The following CEMIP variants were observed in gnomAD, a reference collection of about 807,000 sequenced individuals.
CEMIP encodes the protein cell migration-inducing and hyaluronan-binding protein.
CEMIP carries 105 observed loss-of-function variants against 156.9 expected under a neutral mutation model. That is an observed-to-expected ratio of 0.67 (90% CI 0.57 to 0.79). The LOEUF (loss-of-function observed/expected upper bound fraction) is 0.79, where lower values mean the gene tolerates loss of function less well. Among genes scored for constraint, CEMIP ranks in the 30% least tolerant of loss-of-function variants. The probability of loss-of-function intolerance (pLI) is 0.00; values close to 1 mark genes in which losing one functional copy is unlikely to be tolerated. For synonymous variants in CEMIP, 676 were observed against 668.4 expected (o/e 1.01, Z -0.17); for missense variants, 1,457 against 1,769.4 (o/e 0.82, Z 3.17).
At chr15:80,892,377 ACT>A (rs1455393119) in intron 10 of CEMIP, among the ~76,000 whole-genome samples, 1 of 152,054 alleles carries the variant, frequency 6.6e-6, no homozygotes. Context: ...ACAAAAACAC[ACT>A]GTTTCTATGT....
intron 1 of CEMIP, among the ~76,000 whole-genome samples, chr15:80,799,203 T>C (rs1394741795): frequency 6.6e-6 from 1 of 152,226 alleles, no homozygotes; most frequent in Admixed American, 6.5e-5. Context: ...AGAGATGTGG[T>C]CAGCTTAGGG....
At chr15:80,871,282 C>T (rs1470977337) in intron 1 of CEMIP, among the ~76,000 whole-genome samples, 1 of 152,208 alleles carries the variant, frequency 6.6e-6, no homozygotes, top group Non-Finnish European at 1.5e-5. Flanking sequence ...CCTCTTTGGG[C>T]AGGGCAATCT....
chr15:80,822,380 C>T (rs1195841329), intron 1 of CEMIP, among the ~76,000 whole-genome samples: 1 of 152,194 alleles, frequency 6.6e-6, no homozygotes, highest in Non-Finnish European at 1.5e-5. Flanking sequence ...TGACAGTCTT[C>T]TCATATGTGC....
chr15:80,809,267 G>T (rs933791752), intron 1 of CEMIP, among the ~76,000 whole-genome samples: 1 of 152,162 alleles, frequency 6.6e-6, no homozygotes, highest in East Asian at 1.9e-4. Context: ...CCAGCTGTAG[G>T]GGAAAGGTTG....
chr15:80,887,188 A>G (rs139177360), intron 7 of CEMIP, among the ~76,000 whole-genome samples: 445 of 152,290 alleles, frequency 2.9e-3, no homozygotes, highest in African/African-American at 0.01. Flanking sequence ...CATTAAGAAG[A>G]AGAGAGATTT....
chr15:80,868,455 C>T (rs1320539843), intron 1 of CEMIP, among the ~76,000 whole-genome samples: 1 of 152,142 alleles, frequency 6.6e-6, no homozygotes, highest in African/African-American at 2.4e-5. Flanking sequence ...CCCTTGGCAG[C>T]ACCTCAGCCC....
At chr15:80,785,690 C>T (rs1567046728) in intron 1 of CEMIP, among the ~76,000 whole-genome samples, 1 of 152,114 alleles carries the variant, frequency 6.6e-6, no homozygotes, top group African/African-American at 2.4e-5. Flanking sequence ...AGTAATTCAG[C>T]CAGAGGAGAT....
chr15:80,814,295 C>G (rs192928015), intron 1 of CEMIP, among the ~76,000 whole-genome samples: 2 of 151,874 alleles, frequency 1.3e-5, no homozygotes, highest in African/African-American at 2.4e-5. Context: ...GTGATCCACC[C>G]GCCTTGGCCT....
chr15:80,937,246 G>A (rs1351687462), intron 24 of CEMIP, among the ~76,000 whole-genome samples: 2 of 152,218 alleles, frequency 1.3e-5, no homozygotes, highest in African/African-American at 4.8e-5. Flanking sequence ...TCTGGGTATT[G>A]TTGTTACCAT....
intron 16 of CEMIP, among the ~76,000 whole-genome samples, chr15:80,921,789 G>A (rs1433930063): frequency 6.6e-6 from 1 of 152,254 alleles, no homozygotes; most frequent in Non-Finnish European, 1.5e-5. Flanking sequence ...ATAGAGTAGG[G>A]CCCATCAAGG....
rs1316828529 is a variant in CEMIP, at chr15:80,895,051, A to G, written c.1148A>G (p.Tyr383Cys). The stretch of plus-strand genomic sequence containing the variant: ...GTTGTCTACAAAAAAGGCCAGGATT[A>G]TAGGTTTGCTTGCTACGACCGGGGC... ...TEVVYKKGQD[Y>C]RFACYDRGRA... The change falls in exon 11 of 30, where the codon TAT becomes TGT. Residue 383 changes from tyrosine (Y) to cysteine (C), a missense_variant. Tyr to Cys is a radical substitution (Grantham distance 194). Coordinates refer to ENST00000394685, the MANE Select transcript of CEMIP (RefSeq NM_001293298.2). The G allele has an allele frequency of 3.7e-6, 6 of 1,614,206 alleles. No homozygotes were observed. The highest frequency in any genetic ancestry group is 5.1e-6 in the Non-Finnish European group (6 of 1,180,026).
chr15:80,875,710 C>T (rs934348681), intron 3 of CEMIP, among the ~76,000 whole-genome samples: 2 of 152,188 alleles, frequency 1.3e-5, no homozygotes, highest in African/African-American at 2.4e-5. Context: ...CTCTCAATCC[C>T]GCTTCTGGTG....
Position 80,943,088 on chromosome 15 carries a change from G to A in CEMIP, c.3843G>A (p.Ala1281=), listed in dbSNP as rs769898133. 6.2e-7 allele frequency: 1 copy of A among 1,614,194 alleles called. No homozygotes were observed. Residue 1281 remains alanine, a synonymous_variant, in exon 28 of 30, where the codon GCG becomes GCA. Transcript: ENST00000394685. The stretch of plus-strand genomic sequence containing the variant: ...CATGGCAGCTTTTCAACTATGTGGC[G>A]ACCATCCCTGACAAGTGAGTCTGTA... ...GIPWQLFNYV[A]TIPDNSIVLM...
At chr15:80,844,121 A>G (rs1279480643) in intron 1 of CEMIP, among the ~76,000 whole-genome samples, 1 of 152,238 alleles carries the variant, frequency 6.6e-6, no homozygotes, top group African/African-American at 2.4e-5. Flanking sequence ...CCACCCAGCC[A>G]TCGCTCAGGC....
At chr15:80,920,993 C>T in intron 15 of CEMIP, 39 bp from the exon 16 acceptor site, 1 of 1,589,666 alleles carries the variant, frequency 6.3e-7, no homozygotes, top group Non-Finnish European at 8.6e-7. Context: ...CCCCTGGCGG[C>T]CCTTTATCTG....
rs1223144115 is a variant in CEMIP, at chr15:80,895,064, C to T, written c.1161C>T (p.Cys387=). Residue 387 remains cysteine, a synonymous_variant, in exon 11 of 30, where the codon TGC becomes TGT. Transcript: ENST00000394685. ...AAGGCCAGGATTATAGGTTTGCTTG[C>T]TACGACCGGGGCAGAGCCTGCCGGA... The part of the protein sequence containing the change: ...YKKGQDYRFA[C]YDRGRACRSY... 2 of 1,614,216 alleles carry T rather than the reference C, an allele frequency of 1.2e-6. No homozygotes were observed. Among genetic ancestry groups the T allele is most frequent in the Non-Finnish European group, 1.7e-6 (2 of 1,180,030 alleles).
At chr15:80,920,971 G>T in intron 15 of CEMIP, 61 bp from the exon 16 acceptor site, 2 of 1,398,228 alleles carry the variant, frequency 1.4e-6, no homozygotes, top group South Asian at 1.2e-5. Flanking sequence ...CACCTGCCAT[G>T]TGGCAGGATG....
intron 14 of CEMIP, among the ~76,000 whole-genome samples, chr15:80,915,011 G>A (rs1900215578): frequency 6.6e-6 from 1 of 152,158 alleles, no homozygotes; most frequent in Admixed American, 6.5e-5. Flanking sequence ...GTTCCTGGGT[G>A]GGGGCCACAA....
At chr15:80,881,244 G>C (rs556396257) in intron 6 of CEMIP, 108 bp downstream of exon 6, 2 of 948,296 alleles carry the variant, frequency 2.1e-6, no homozygotes, top group African/African-American at 3.2e-5. Context: ...AGCAGTGAAT[G>C]AAACAGATGG....
Sources: gnomAD v4.1 joint callset for allele counts (sites outside exome capture counted in the v4.1 genomes callset) on GRCh38, gnomAD v4.1.1 for gene constraint, MANE v1.5 for transcripts, NCBI Gene and HGNC (gene_info 2026-07-23, HGNC 2026-07-21) for gene names.